Variants in LRP1B observed in about 807,000 individuals in gnomAD.
The protein encoded by LRP1B is low-density lipoprotein receptor-related protein 1B.
A neutral mutation model predicts 556.6 loss-of-function variants in LRP1B; 217 were observed. The observed-to-expected ratio is 0.39, with a 90% CI of 0.35 to 0.44. The LOEUF is 0.44. Among genes scored for constraint, LRP1B ranks in the 20% least tolerant of loss-of-function variants. The pLI is 1.00. For synonymous variants in LRP1B, 2,047 were observed against 1,865.8 expected, an observed-to-expected ratio of 1.10 and a Z score of -2.50; for missense variants, 5,053 against 5,620.8, an observed-to-expected ratio of 0.90 and a Z score of 3.23.
At chr2:140,322,932 G>A (rs1467387824) in intron 81 of LRP1B, among the ~76,000 whole-genome samples, 1 of 151,906 alleles carries the variant, frequency 6.6e-6, no homozygotes, top group Non-Finnish European at 1.5e-5. Flanking sequence ...TGGAGGATGA[G>A]AGAAACTGTC....
At chr2:140,680,311 T>G (rs542383943) in intron 41 of LRP1B, among the ~76,000 whole-genome samples, 1 of 152,198 alleles carries the variant, frequency 6.6e-6, no homozygotes, top group South Asian at 2.1e-4. Context: ...GACTTTGAGT[T>G]GGTCTTAAGT....
intron 11 of LRP1B, among the ~76,000 whole-genome samples, chr2:141,048,049 T>C (rs1262210426): frequency 6.6e-6 from 1 of 152,180 alleles, no homozygotes; most frequent in African/African-American, 2.4e-5. Context: ...TGTGCTTATA[T>C]CATCTCCAAA....
chr2:141,492,437 A>G (rs1310106934), intron 2 of LRP1B, among the ~76,000 whole-genome samples: 2 of 152,186 alleles, frequency 1.3e-5, no homozygotes, highest in African/African-American at 4.8e-5. Flanking sequence ...GTCAAATGAC[A>G]CAGATTCACT....
intron 2 of LRP1B, among the ~76,000 whole-genome samples, chr2:141,671,973 A>G (rs1349173768): frequency 6.6e-6 from 1 of 152,004 alleles, no homozygotes; most frequent in Non-Finnish European, 1.5e-5. Context: ...TCCACAAAAC[A>G]CTCTCTATAT....
At chr2:141,465,864 C>T (rs1682173387) in intron 3 of LRP1B, among the ~76,000 whole-genome samples, 1 of 146,226 alleles carries the variant, frequency 6.8e-6, no homozygotes, top group South Asian at 2.2e-4. Context: ...GACTTTTATA[C>T]CTCTCAGGTA....
intron 6 of LRP1B, among the ~76,000 whole-genome samples, chr2:141,202,723 A>T (rs1313735872): frequency 7.2e-6 from 1 of 139,476 alleles, no homozygotes; most frequent in African/African-American, 2.6e-5. Flanking sequence ...TTTTTGAGAA[A>T]TGTCTGTTCA....
intron 3 of LRP1B, among the ~76,000 whole-genome samples, chr2:141,276,781 C>T (rs1337064134): frequency 1.1e-4 from 16 of 151,770 alleles, no homozygotes; most frequent in East Asian, 3.9e-4. Flanking sequence ...CTCAGCCTCC[C>T]GAGTAGCTGG....
intron 1 of LRP1B, among the ~76,000 whole-genome samples, chr2:141,839,978 G>C (rs1697411069): frequency 6.6e-6 from 1 of 151,994 alleles, no homozygotes; most frequent in African/African-American, 2.4e-5. Flanking sequence ...AAAATTAATA[G>C]CCCTGGAATG....
chr2:141,488,021 T>A (rs1009808714), intron 2 of LRP1B, among the ~76,000 whole-genome samples: 2 of 151,580 alleles, frequency 1.3e-5, no homozygotes, highest in Admixed American at 6.6e-5. Context: ...CAAAGGGGAG[T>A]TTTTTGTGGA....
chr2:140,754,933 G>A (rs932956366), intron 35 of LRP1B, among the ~76,000 whole-genome samples: 1 of 148,530 alleles, frequency 6.7e-6, no homozygotes, highest in Non-Finnish European at 1.5e-5. Context: ...GACTAACAAA[G>A]GCAAATGGAG....
intron 5 of LRP1B, among the ~76,000 whole-genome samples, chr2:141,242,566 T>C (rs1413430753): frequency 6.6e-6 from 1 of 152,050 alleles, no homozygotes; most frequent in African/African-American, 2.4e-5. Context: ...TCTAAATCAA[T>C]GAACTGCAAA....
chr2:141,316,812 G>A (rs1293456614), intron 3 of LRP1B, among the ~76,000 whole-genome samples: 1 of 152,162 alleles, frequency 6.6e-6, no homozygotes, highest in African/African-American at 2.4e-5. Flanking sequence ...GCCCCATAGT[G>A]TTACAGCTTC....
intron 21 of LRP1B, among the ~76,000 whole-genome samples, chr2:140,909,349 GTCT>G (rs1395770182): frequency 2.0e-5 from 3 of 152,120 alleles, no homozygotes; most frequent in East Asian, 1.9e-4. Flanking sequence ...GTATTTAAAT[GTCT>G]TCTTAAGTCT....
chr2:140,995,606 C>A (rs1697223121), intron 15 of LRP1B, among the ~76,000 whole-genome samples: 1 of 151,948 alleles, frequency 6.6e-6, no homozygotes, highest in Non-Finnish European at 1.5e-5. Context: ...CTACCTCCAT[C>A]TTATAAATAA....
chr2:141,837,364 G>T (rs1471990864), intron 1 of LRP1B, among the ~76,000 whole-genome samples: 1 of 151,802 alleles, frequency 6.6e-6, no homozygotes, highest in Non-Finnish European at 1.5e-5. Context: ...TAATATATGG[G>T]TTTACACCAA....
chr2:142,115,340 A>C (rs577749396), intron 1 of LRP1B, among the ~76,000 whole-genome samples: 1 of 149,344 alleles, frequency 6.7e-6, no homozygotes, highest in East Asian at 2.0e-4. Context: ...AGGGTAGAGG[A>C]GGCAAACTGA....
At chr2:141,864,270 TAATA>T (rs2105791114) in intron 1 of LRP1B, among the ~76,000 whole-genome samples, 1 of 152,330 alleles carries the variant, frequency 6.6e-6, no homozygotes, top group East Asian at 1.9e-4. Context: ...AGATTAAAGC[TAATA>T]AATACAAAAG....
intron 1 of LRP1B, among the ~76,000 whole-genome samples, chr2:141,924,904 T>A (rs1182183736): frequency 6.6e-6 from 1 of 152,138 alleles, no homozygotes; most frequent in Non-Finnish European, 1.5e-5. Flanking sequence ...ATGAGATTGA[T>A]TTTTCTCTTT....
intron 35 of LRP1B, among the ~76,000 whole-genome samples, chr2:140,737,244 C>T (rs951239526): frequency 3.3e-5 from 5 of 152,068 alleles, no homozygotes; most frequent in African/African-American, 7.2e-5. Context: ...TGTTGATCCT[C>T]CTAGATCTTT....
Sources: allele counts gnomAD v4.1 joint callset (sites outside exome capture counted in the v4.1 genomes callset), GRCh38; gene constraint gnomAD v4.1.1; transcripts MANE v1.5; gene names NCBI Gene and HGNC (gene_info 2026-07-23, HGNC 2026-07-21).